Variants in TBC1D16 observed in about 807,000 individuals in gnomAD.
TBC1D16 encodes the protein CTD-2529O21.1.
In TBC1D16, 58 loss-of-function variants were observed where a neutral mutation model predicts 74.7. The ratio of observed to expected loss-of-function variants is 0.78; its 90% CI spans 0.63 to 0.97. The LOEUF (loss-of-function observed/expected upper bound fraction) is 0.97. Ranked by LOEUF, TBC1D16 falls within the 50% of genes least tolerant of loss-of-function variation. The probability of loss-of-function intolerance (pLI) is 0.00; values close to 1 mark genes in which losing one functional copy is unlikely to be tolerated. For synonymous variants in TBC1D16, 493 were observed against 474.7 expected (o/e 1.04, Z -0.50); for missense variants, 1,014 against 1,079.5 (o/e 0.94, Z 0.85).
At chr17:79,984,184 G>A (rs1012162791) in intron 3 of TBC1D16, among the ~76,000 whole-genome samples, 2 of 152,134 alleles carry the variant, frequency 1.3e-5, no homozygotes, top group East Asian at 1.9e-4. Context: ...AGCACGCCCA[G>A]CCAATTTTTC....
At chr17:79,949,621 A>T (rs1598331605) in intron 7 of TBC1D16, 96 bp downstream of exon 7, 1 of 1,449,256 alleles carries the variant, frequency 6.9e-7, no homozygotes, top group East Asian at 2.3e-5. Context: ...GTCACGAAAC[A>T]TATTATCAAT....
chr17:79,949,904 G>C (rs1038176082), intron 6 of TBC1D16, 39 bp from the exon 7 acceptor site: 2 of 1,598,834 alleles, frequency 1.3e-6, no homozygotes, highest in Non-Finnish European at 1.7e-6. Context: ...GGATAAAATG[G>C]GGCAGCTCAA....
chr17:79,949,335 C>G lies in TBC1D16; in HGVS notation c.1407-329G>C, dbSNP rs546250267. Reference sequence around the variant, plus strand: ...CAGGGGCTTCACCCAGTCCCAGCCTCCTGGAGAGAGAGCTGAGCCCAGTCC... The same window carrying G: ...CAGGGGCTTCACCCAGTCCCAGCCTGCTGGAGAGAGAGCTGAGCCCAGTCC... On this transcript the variant is annotated intron_variant, in intron 7 of 11. Transcript: ENST00000310924. 3.3e-5 allele frequency among the ~76,000 whole-genome samples: 5 copies of G among 152,330 alleles called. No individual in the cohort carries two copies. In the East Asian group the frequency reaches 9.7e-4, roughly 29 times the overall value.
intron 1 of TBC1D16, among the ~76,000 whole-genome samples, chr17:80,031,683 C>G (rs2036782278): frequency 6.6e-6 from 1 of 152,166 alleles, no homozygotes; most frequent in Admixed American, 6.6e-5. Context: ...TCCCATTTCC[C>G]CCGCAAAGAG....
intron 1 of TBC1D16, among the ~76,000 whole-genome samples, chr17:80,023,670 G>A (rs1403331906): frequency 1.6e-5 from 2 of 124,926 alleles, no homozygotes; most frequent in South Asian, 2.5e-4. Context: ...CCCCCCCACC[G>A]GCTCAGGGCG....
chr17:80,016,329 G>C (rs2036089630), intron 1 of TBC1D16, among the ~76,000 whole-genome samples: 1 of 152,154 alleles, frequency 6.6e-6, no homozygotes, highest in African/African-American at 2.4e-5. Flanking sequence ...AAGCGTCCTG[G>C]AGGTGGACAG....
rs1191426936 is a variant in TBC1D16 at position 79,979,164 on chromosome 17, G to A, written c.780-26346C>T. Among the ~76,000 whole-genome samples the A allele has an allele frequency of 6.6e-6, 1 of 152,220 alleles. No homozygotes were observed. Among genetic ancestry groups the A allele is most frequent in the Non-Finnish European group, 1.5e-5 (1 of 68,038 alleles). The stretch of plus-strand genomic sequence containing the variant: ...CACCTGGGAGATTCTGCCCAACCTA[G>A]GGAAAGGAGGAGCCATAGGAGCTGG... On this transcript the variant is annotated intron_variant, in intron 3 of 11. Coordinates refer to ENST00000310924, the MANE Select transcript of TBC1D16 (RefSeq NM_019020.4). This position sits in a 1 kb window ranked among gnomAD's most constrained non-coding sequence, Gnocchi z 4.8.
chr17:79,957,970 A>G (rs1287433735), intron 3 of TBC1D16, among the ~76,000 whole-genome samples: 1 of 152,008 alleles, frequency 6.6e-6, no homozygotes, highest in Non-Finnish European at 1.5e-5. Flanking sequence ...AGAAAAATAT[A>G]AATGCCCAAC....
At position 79,961,678 on chromosome 17, in the gene TBC1D16, A is replaced by G. The variant is rs1403514684; in HGVS notation, c.780-8860T>C. On this transcript the variant is annotated intron_variant, in intron 3 of 11. Transcript: ENST00000310924. This position sits in a 1 kb window ranked among gnomAD's most constrained non-coding sequence, Gnocchi z 4.8. ...GGAGTTTGAGACCAGTGTGACCAAC[A>G]TGGTGAAACACTGTATCTACCAAAA... 1.3e-5 allele frequency among the ~76,000 whole-genome samples: 2 copies of G among 152,174 alleles called. No individual in the cohort carries two copies. The highest frequency in any genetic ancestry group is 2.4e-5 in the African/African-American group (1 of 41,446).
chr17:80,032,167 G>A (rs1412823952), intron 1 of TBC1D16, among the ~76,000 whole-genome samples: 1 of 152,200 alleles, frequency 6.6e-6, no homozygotes, highest in Admixed American at 6.5e-5. Flanking sequence ...ATGGATGCGG[G>A]CTTGGCACCC....
intron 10 of TBC1D16, among the ~76,000 whole-genome samples, chr17:79,943,599 T>C (rs77508184): frequency 0.099 from 12,012 of 120,918 alleles, 643 homozygotes; most frequent in Admixed American, 0.17. Flanking sequence ...ACCAAATTGA[T>C]CGAGGGATGG....
intron 3 of TBC1D16, among the ~76,000 whole-genome samples, chr17:79,998,540 C>T (rs1286807703): frequency 7.5e-6 from 1 of 132,526 alleles, no homozygotes; most frequent in African/African-American, 2.8e-5. Flanking sequence ...TTTGTAGAGA[C>T]AAGGTTTCAC....
At position 80,026,916 on chromosome 17, in the gene TBC1D16, G is replaced by A. The variant is rs1477160673; in HGVS notation, c.-63+8879C>T. On this transcript the variant is annotated intron_variant, in intron 1 of 11. Coordinates refer to ENST00000310924, the MANE Select transcript of TBC1D16 (RefSeq NM_019020.4). ...CTGCGGGCCTGGGGCTCTTCCTAGG[G>A]GCCAGATGCCTTCTCATCAGTACAC... is the stretch of plus-strand genomic sequence containing the variant. Among the ~76,000 whole-genome samples the A allele has an allele frequency of 2.7e-5, 4 of 149,226 alleles. No homozygotes were observed. In the South Asian group the frequency reaches 8.4e-4, roughly 31 times the overall value.
rs1009106380 is a variant in TBC1D16 at position 80,000,641 on chromosome 17, G to A, written c.779+9519C>T. Among the ~76,000 whole-genome samples the A allele has an allele frequency of 3.9e-5, 6 of 152,280 alleles. No homozygotes were observed. The highest frequency in any genetic ancestry group is 4.1e-4 in the South Asian group (2 of 4,824). The stretch of plus-strand genomic sequence containing the variant: ...GGACACTGATACGAGCACGTCCAAC[G>A]GGGCTGGCAACTCAGTCAGGTACAC... On this transcript the variant is annotated intron_variant, in intron 3 of 11. Transcript: ENST00000310924. This position sits in a 1 kb window ranked among gnomAD's most constrained non-coding sequence, Gnocchi z 4.1.
At chr17:79,953,238 G>A (rs758777849) in intron 3 of TBC1D16, among the ~76,000 whole-genome samples, 1 of 152,158 alleles carries the variant, frequency 6.6e-6, no homozygotes, top group Non-Finnish European at 1.5e-5. Flanking sequence ...TACTAAAACT[G>A]GTTGTTTTGG....
chr17:79,971,688 G>T lies in TBC1D16; in HGVS notation c.780-18870C>A, dbSNP rs1203980121. Among the ~76,000 whole-genome samples the T allele has an allele frequency of 6.6e-6, 1 of 152,188 alleles. No individual in the cohort carries two copies. The highest frequency in any genetic ancestry group is 1.5e-5 in the Non-Finnish European group (1 of 68,034). On this transcript the variant is annotated intron_variant, in intron 3 of 11. Coordinates refer to ENST00000310924, the MANE Select transcript of TBC1D16 (RefSeq NM_019020.4). This position sits in a 1 kb window ranked among gnomAD's most constrained non-coding sequence, Gnocchi z 4.6. ...CTCTACAACAGTCAACTTCTCTCAA[G>T]GAAGACCTGAGGAAGCTGGTGCCCG... is the stretch of plus-strand genomic sequence containing the variant.
chr17:79,983,936 G>A lies in TBC1D16; in HGVS notation c.779+26224C>T, dbSNP rs184108774. Among the ~76,000 whole-genome samples the A allele has an allele frequency of 1.1e-3, 171 of 152,172 alleles. No homozygotes were observed. Among genetic ancestry groups the A allele is most frequent in the African/African-American group, 3.7e-3 (154 of 41,488 alleles). On this transcript the variant is annotated intron_variant, in intron 3 of 11. Transcript: ENST00000310924. The surrounding 1 kb of genome is among the most constrained non-coding windows in gnomAD (Gnocchi z 5.6). Reference sequence around the variant, plus strand: ...TGCTGGAGTGCAGGGGTATGATCTCGGCTTACTGCAGCCTTGATCTCCCAG... The same window carrying A: ...TGCTGGAGTGCAGGGGTATGATCTCAGCTTACTGCAGCCTTGATCTCCCAG...
Position 79,951,597 on chromosome 17 carries a change from G to A in TBC1D16, c.942C>T (p.Ser314=), listed in dbSNP as rs149302944. 281 of 1,612,392 alleles carry A rather than the reference G, an allele frequency of 1.7e-4. No homozygotes were observed. The African/African-American group carries it at 3.3e-3, about 19-fold the overall frequency. Residue 314 remains serine (S), a splice_region_variant and synonymous_variant, in exon 5 of 12, where the codon AGC becomes AGT. Coordinates refer to ENST00000310924, the MANE Select transcript of TBC1D16 (RefSeq NM_019020.4). ...GCTGGCCGCTGGTGCAGGCCTCGTC[G>A]CTGAAGGGCCATTGGAAGGGGGAGA... ...GHMRSLRLFF[S]DEACTSGQLV... is the part of the protein sequence containing the mutation.
rs1404129740 is a variant in TBC1D16 at position 79,975,833 on chromosome 17, A to T, written c.780-23015T>A. 6.6e-6 allele frequency among the ~76,000 whole-genome samples: 1 copy of T among 152,144 alleles called. No individual in the cohort carries two copies. Among genetic ancestry groups the T allele is most frequent in the East Asian group, 1.9e-4 (1 of 5,178 alleles). ...AGAGCATGAGCCCCACTTTGGAATG[A>T]CGGGGTCTGTGCAGAGACCGGGCAG... On this transcript the variant is annotated intron_variant, in intron 3 of 11. Transcript: ENST00000310924. This position sits in a 1 kb window ranked among gnomAD's most constrained non-coding sequence, Gnocchi z 4.5.
Sources: gnomAD v4.1 joint callset for allele counts (sites outside exome capture counted in the v4.1 genomes callset) on GRCh38, gnomAD v4.1.1 for gene constraint, Gnocchi (gnomAD v3.1) non-coding constraint, MANE v1.5 for transcripts, NCBI Gene and HGNC (gene_info 2026-07-23, HGNC 2026-07-21) for gene names.